RFC3: variants seen among roughly 807,000 people sequenced by gnomAD.
The protein encoded by RFC3 is A1 38 kDa subunit.
A neutral mutation model predicts 45.1 loss-of-function variants in RFC3; 41 were observed. The ratio of observed to expected loss-of-function variants is 0.91; its 90% CI spans 0.71 to 1.18. The LOEUF (loss-of-function observed/expected upper bound fraction) is 1.18, where lower values mean the gene tolerates loss of function less well. Ranked by LOEUF, RFC3 falls within the 50% of genes most tolerant of loss-of-function variation. The probability of loss-of-function intolerance (pLI) is 0.00; values close to 1 mark genes in which losing one functional copy is unlikely to be tolerated. For missense variants in RFC3, 423 were observed against 428.1 expected, an observed-to-expected ratio of 0.99 and a Z score of 0.10; for synonymous variants, 149 against 144.0, an observed-to-expected ratio of 1.03 and a Z score of -0.25.
At chr13:33,907,101 T>A (rs868541334) in intron 8 of RFC3, among the ~76,000 whole-genome samples, 3 of 152,094 alleles carry the variant, frequency 2.0e-5, no homozygotes, top group Non-Finnish European at 4.4e-5. Context: ...TGGGATTACG[T>A]ACATGAGCCA....
At chr13:33,953,327 A>G (rs981754957) in intron 8 of RFC3, among the ~76,000 whole-genome samples, 42 of 138,932 alleles carry the variant, frequency 3.0e-4, no homozygotes, top group African/African-American at 2.6e-4. Context: ...TGCTCTTTAA[A>G]AAAAAAAAAA....
chr13:33,901,429 G>A (rs1055483730), intron 8 of RFC3, among the ~76,000 whole-genome samples: 2 of 152,016 alleles, frequency 1.3e-5, no homozygotes, highest in Non-Finnish European at 2.9e-5. Flanking sequence ...AATGAGATAA[G>A]CCAAGCACAG....
In RFC3 at chr13:33,835,196, T is replaced by G; in HGVS notation, c.858T>G (p.Ile286Met). Residue 286 changes from isoleucine to methionine, a missense_variant, in exon 8 of 9, where the codon ATT becomes ATG. Transcript: ENST00000380071. ...GRLYELLTHC[I>M]PPEIIMKGLL... ...TGTATGAGCTTCTAACTCATTGTATTCCTCCTGAGATAATAATGAAGGTAA... is the reference window on the plus strand; with the variant it reads ...TGTATGAGCTTCTAACTCATTGTATGCCTCCTGAGATAATAATGAAGGTAA... 6.2e-7 allele frequency: 1 copy of G among 1,610,128 alleles called. No homozygotes were observed. The highest frequency in any genetic ancestry group is 8.5e-7 in the Non-Finnish European group (1 of 1,176,632).
chr13:33,840,511 T>G (rs2082189809), downstream of RFC3, among the ~76,000 whole-genome samples: 1 of 152,140 alleles, frequency 6.6e-6, no homozygotes, highest in Non-Finnish European at 1.5e-5. Flanking sequence ...TTTTTGTATG[T>G]GCATTAATTT....
intron 8 of RFC3, among the ~76,000 whole-genome samples, chr13:33,899,796 A>T (rs912143476): frequency 5.3e-5 from 8 of 152,004 alleles, no homozygotes; most frequent in Non-Finnish European, 2.9e-5. Context: ...GACTTCACCA[A>T]AAACTGTTAG....
intron 8 of RFC3, among the ~76,000 whole-genome samples, chr13:33,893,965 A>AC (rs1217235755): frequency 1.3e-5 from 2 of 151,998 alleles, no homozygotes; most frequent in Admixed American, 6.6e-5. Flanking sequence ...TGAAAGGAAA[A>AC]AAACAAACAA....
At chr13:33,834,313 T>C in intron 7 of RFC3, among the ~76,000 whole-genome samples, 1 of 128,462 alleles carries the variant, frequency 7.8e-6, no homozygotes, top group African/African-American at 3.5e-5. Context: ...TATATATATA[T>C]ATATATATAT....
chr13:33,875,252 G>A (rs375631114), intron 8 of RFC3, among the ~76,000 whole-genome samples: 1 of 152,168 alleles, frequency 6.6e-6, no homozygotes, highest in African/African-American at 2.4e-5. Flanking sequence ...TTACTACTGC[G>A]ATGACAAAAA....
intron 8 of RFC3, among the ~76,000 whole-genome samples, chr13:33,965,480 A>T (rs575384359): frequency 6.6e-6 from 1 of 152,324 alleles, no homozygotes; most frequent in Non-Finnish European, 1.5e-5. Flanking sequence ...GCTTTGTGTA[A>T]GTACACCCAA....
At chr13:33,834,133 G>A (rs1271753161) in intron 7 of RFC3, among the ~76,000 whole-genome samples, 1 of 151,004 alleles carries the variant, frequency 6.6e-6, no homozygotes, top group Non-Finnish European at 1.5e-5. Flanking sequence ...ACACATAGCA[G>A]ATGCCCCAGA....
chr13:33,837,135 G>T lies in RFC3; in HGVS notation c.*840G>T. 1.2e-6 allele frequency: 1 copy of T among 834,508 alleles called. No individual in the cohort carries two copies. Among genetic ancestry groups the T allele is most frequent in the South Asian group, 5.5e-5 (1 of 18,244 alleles). 51.7% of individuals were successfully genotyped at this position (834,508 alleles called of 1,614,324 possible). A position where few individuals can be genotyped will look rare whatever the true frequency, so the allele number is the denominator to read the frequency against. ...AAAATATACCCATTTTAAGGGTACAGTTTGATTTTTGACCAGTGAAACTAT... is the reference window on the plus strand; with the variant it reads ...AAAATATACCCATTTTAAGGGTACATTTTGATTTTTGACCAGTGAAACTAT... On this transcript the variant is annotated 3_prime_UTR_variant, in exon 9 of 9. Transcript: ENST00000380071.
chr13:33,966,142 A>G (rs751534423), exon 9 of RFC3: 9 of 1,597,348 alleles, frequency 5.6e-6, no homozygotes, highest in African/African-American at 2.7e-5. Flanking sequence ...CCAAAGAACA[A>G]CTTGCTACTG....
intron 8 of RFC3, among the ~76,000 whole-genome samples, chr13:33,852,603 G>A (rs756580496): frequency 1.1e-4 from 16 of 152,128 alleles, no homozygotes; most frequent in Non-Finnish European, 1.6e-4. Context: ...GAGAAAGTTT[G>A]GAAGGAGAAA....
intron 3 of RFC3, among the ~76,000 whole-genome samples, chr13:33,824,545 A>T (rs2082032271): frequency 6.6e-6 from 1 of 152,092 alleles, no homozygotes; most frequent in Non-Finnish European, 1.5e-5. Context: ...CTGGGAGCTA[A>T]ATTGGGTAAG....
intron 2 of RFC3, among the ~76,000 whole-genome samples, chr13:33,823,550 CATT>C (rs1039148039): frequency 6.6e-6 from 1 of 151,908 alleles, no homozygotes; most frequent in African/African-American, 2.4e-5. Context: ...TTACAAGAAA[CATT>C]GACACTCCAT....
chr13:33,834,298 G>GTGTGTA (rs1302839326), intron 7 of RFC3, among the ~76,000 whole-genome samples: 20 of 109,186 alleles, frequency 1.8e-4, no homozygotes, highest in East Asian at 8.9e-4. Context: ...TGTACTGTGT[G>GTGTGTA]TATATATATA....
chr13:33,857,987 T>G (rs113333654), intron 8 of RFC3, among the ~76,000 whole-genome samples: 126 of 152,318 alleles, frequency 8.3e-4, no homozygotes, highest in African/African-American at 3.0e-3. Context: ...ACAGAGGGAC[T>G]GGCACATAAT....
At chr13:33,903,071 A>G (rs1007287597) in intron 8 of RFC3, among the ~76,000 whole-genome samples, 16 of 152,100 alleles carry the variant, frequency 1.1e-4, no homozygotes, top group African/African-American at 3.9e-4. Flanking sequence ...TCCACCAAGA[A>G]TAAAATCCAG....
intron 8 of RFC3, among the ~76,000 whole-genome samples, chr13:33,919,873 AT>A (rs2082756867): frequency 6.6e-6 from 1 of 152,180 alleles, no homozygotes; most frequent in Non-Finnish European, 1.5e-5. Context: ...TGCATCATTT[AT>A]TAATTGTGCA....
Sources: allele counts gnomAD v4.1 joint callset (sites outside exome capture counted in the v4.1 genomes callset), GRCh38; gene constraint gnomAD v4.1.1; transcripts MANE v1.5; gene names NCBI Gene and HGNC (gene_info 2026-07-23, HGNC 2026-07-21).